Variants in CPNE4 observed in about 807,000 individuals in gnomAD.
CPNE4 encodes the protein copine 4.
Under a neutral mutation model 67.9 loss-of-function variants are expected in CPNE4, and 25 were observed. That is an observed-to-expected ratio of 0.37 (90% CI 0.27 to 0.51). CPNE4 has a LOEUF of 0.51. Among genes scored for constraint, CPNE4 ranks in the 20% least tolerant of loss-of-function variants. The pLI is 0.93. For missense variants in CPNE4, 464 were observed against 690.8 expected, an observed-to-expected ratio of 0.67 and a Z score of 3.68; for synonymous variants, 242 against 244.9, an observed-to-expected ratio of 0.99 and a Z score of 0.11.
At chr3:131,770,533 G>A (rs1262149047) in intron 2 of CPNE4, among the ~76,000 whole-genome samples, 1 of 152,226 alleles carries the variant, frequency 6.6e-6, no homozygotes, top group Non-Finnish European at 1.5e-5. Flanking sequence ...GAGACAAGGT[G>A]GAGCCAGCAA....
rs192753415 is a variant in CPNE4, at chr3:131,584,792, T to C, written c.780+2692A>G. ...TTGAGTATTTGAAATGTGGCTAGCA[T>C]GACTGAGGAACTTAACTTGTTATTT... On this transcript the variant is annotated intron_variant, in intron 8 of 15. Coordinates refer to ENST00000429747, the MANE Select transcript of CPNE4 (RefSeq NM_130808.3). Among the ~76,000 whole-genome samples, 75 of 152,336 alleles carry C rather than the reference T, an allele frequency of 4.9e-4. No homozygotes were observed. The East Asian group carries it at 0.013, about 27-fold the overall frequency.
chr3:131,563,012 G>A (rs1936861942), intron 11 of CPNE4, among the ~76,000 whole-genome samples: 2 of 152,122 alleles, frequency 1.3e-5, no homozygotes, highest in South Asian at 4.1e-4. Flanking sequence ...TGAGTTACTG[G>A]TGATGACCAA....
intron 2 of CPNE4, among the ~76,000 whole-genome samples, chr3:131,749,322 A>G (rs751276474): frequency 4.6e-5 from 7 of 152,122 alleles, no homozygotes; most frequent in Non-Finnish European, 1.0e-4. Flanking sequence ...AATCCATCCA[A>G]TATTATTTCA....
intron 1 of CPNE4, among the ~76,000 whole-genome samples, chr3:132,011,219 T>TAG (rs1025865072): frequency 6.6e-6 from 1 of 152,172 alleles, no homozygotes; most frequent in Admixed American, 6.5e-5. Context: ...CCACAGTAGA[T>TAG]AGATCCCTTG....
chr3:131,808,839 T>C (rs1483333299), intron 2 of CPNE4, among the ~76,000 whole-genome samples: 1 of 152,130 alleles, frequency 6.6e-6, no homozygotes, highest in Non-Finnish European at 1.5e-5. Context: ...TACAGAAGAA[T>C]TTATTGTATT....
chr3:131,702,621 C>T (rs374076507), intron 3 of CPNE4, among the ~76,000 whole-genome samples: 1 of 152,200 alleles, frequency 6.6e-6, no homozygotes, highest in African/African-American at 2.4e-5. Context: ...ACAACCCTCT[C>T]GGCCCTATAA....
chr3:131,883,261 C>T (rs1412488443), intron 2 of CPNE4, among the ~76,000 whole-genome samples: 2 of 152,070 alleles, frequency 1.3e-5, no homozygotes, highest in African/African-American at 4.8e-5. Flanking sequence ...ACAACCTGCC[C>T]CTCCCCCAGT....
chr3:131,942,106 T>A (rs1297704759), intron 1 of CPNE4, among the ~76,000 whole-genome samples: 2 of 152,092 alleles, frequency 1.3e-5, no homozygotes, highest in African/African-American at 2.4e-5. Context: ...TAACTCCAAG[T>A]ATTTAAAAAT....
chr3:131,783,069 G>C (rs2083467409), intron 2 of CPNE4, among the ~76,000 whole-genome samples: 1 of 152,018 alleles, frequency 6.6e-6, no homozygotes, highest in South Asian at 2.1e-4. Flanking sequence ...TGATGGCAAT[G>C]TCATCAGTGT....
At chr3:132,036,718 T>C (rs983031510), upstream of CPNE4, among the ~76,000 whole-genome samples, 12 of 152,318 alleles carry the variant, frequency 7.9e-5, no homozygotes, top group African/African-American at 2.9e-4. Context: ...TATGTCTGTT[T>C]TGTCGTCTTG....
chr3:131,905,726 A>AT (rs1276745480), intron 1 of CPNE4, among the ~76,000 whole-genome samples: 1 of 152,174 alleles, frequency 6.6e-6, no homozygotes, highest in African/African-American at 2.4e-5. Flanking sequence ...GTGAAATAAA[A>AT]TTAATGAATT....
chr3:131,858,035 T>G (rs2086520002), intron 2 of CPNE4, among the ~76,000 whole-genome samples: 1 of 152,126 alleles, frequency 6.6e-6, no homozygotes. Flanking sequence ...CATATATATA[T>G]TTCTTTAGAG....
At chr3:131,726,836 T>A (rs2082012642) in intron 2 of CPNE4, among the ~76,000 whole-genome samples, 1 of 152,098 alleles carries the variant, frequency 6.6e-6, no homozygotes, top group Non-Finnish European at 1.5e-5. Context: ...TCTAGAGAAT[T>A]CTGGTGTGGG....
chr3:131,997,478 T>C lies in CPNE4; in HGVS notation c.-2+37089A>G, dbSNP rs1012358370. ...TCTGCTATCTGGAAGCTATGTGATG[T>C]TGATCAAGCCCATAAATTTCTCTGT... On this transcript the variant is annotated intron_variant, in intron 1 of 15. Transcript: ENST00000429747. Among the ~76,000 whole-genome samples, 3 of 152,164 alleles carry C rather than the reference T, an allele frequency of 2.0e-5. No individual in the cohort carries two copies. The East Asian group carries it at 5.8e-4, about 29-fold the overall frequency.
intron 7 of CPNE4, among the ~76,000 whole-genome samples, chr3:131,596,983 G>A (rs1047263444): frequency 2.0e-5 from 3 of 152,114 alleles, no homozygotes; most frequent in Non-Finnish European, 2.9e-5. Flanking sequence ...ATTCTGAAAC[G>A]AGTTTTCAGT....
intron 2 of CPNE4, among the ~76,000 whole-genome samples, chr3:131,742,661 C>T (rs1468820080): frequency 6.6e-6 from 1 of 151,800 alleles, no homozygotes; most frequent in Non-Finnish European, 1.5e-5. Flanking sequence ...AAAGTTAAAA[C>T]CAGACACATC....
At chr3:131,587,359 A>G (rs1450270369) in intron 8 of CPNE4, 125 bp downstream of exon 8, 3 of 676,070 alleles carry the variant, frequency 4.4e-6, no homozygotes, top group African/African-American at 1.8e-5. Context: ...ACATCCTACC[A>G]TGCTCCCTTC....
Position 131,587,598 on chromosome 3 carries a change from A to G in CPNE4, c.682-16T>C. The G allele has an allele frequency of 1.3e-6, 2 of 1,571,122 alleles. No individual in the cohort carries two copies. The highest frequency in any genetic ancestry group is 8.7e-7 in the Non-Finnish European group (1 of 1,142,986). On this transcript the variant is annotated splice_polypyrimidine_tract_variant and intron_variant, in intron 7 of 15. Coordinates refer to ENST00000429747, the MANE Select transcript of CPNE4 (RefSeq NM_130808.3). Reference sequence around the variant, plus strand: ...ATACTATGCACTGTAAGAGAAAACAATGATCTTTCTTAAAAAATTAAGAAT... The same window carrying G: ...ATACTATGCACTGTAAGAGAAAACAGTGATCTTTCTTAAAAAATTAAGAAT...
chr3:131,853,535 C>T (rs2086319115), intron 2 of CPNE4, among the ~76,000 whole-genome samples: 1 of 151,682 alleles, frequency 6.6e-6, no homozygotes, highest in Non-Finnish European at 1.5e-5. Flanking sequence ...TAAGATACAA[C>T]ATGCAATAAA....
Sources: allele counts gnomAD v4.1 joint callset (sites outside exome capture counted in the v4.1 genomes callset), GRCh38; gene constraint gnomAD v4.1.1; transcripts MANE v1.5; gene names NCBI Gene and HGNC (gene_info 2026-07-23, HGNC 2026-07-21).